The following PPP3R1 variants were observed in gnomAD, a reference collection of about 807,000 sequenced individuals.
PPP3R1 encodes the protein protein phosphatase 3 regulatory subunit B, alpha.
PPP3R1 carries 5 observed loss-of-function variants against 22.6 expected under a neutral mutation model. That is an observed-to-expected ratio of 0.22 (90% confidence interval 0.12 to 0.46). The LOEUF (loss-of-function observed/expected upper bound fraction) is 0.46. Ranked by LOEUF, PPP3R1 falls within the 20% of genes least tolerant of loss-of-function variation. PPP3R1 has a pLI of 0.99. For synonymous variants in PPP3R1, 56 were observed against 65.2 expected (o/e 0.86, Z 0.68); for missense variants, 61 against 203.2 (o/e 0.30, Z 4.25).
intron 2 of PPP3R1, among the ~76,000 whole-genome samples, chr2:68,191,915 A>T (rs778081063): frequency 6.6e-6 from 1 of 152,212 alleles, no homozygotes; most frequent in African/African-American, 2.4e-5. Context: ...AAATATAATG[A>T]AAGTCCTACA....
chr2:68,186,742 A>G, intron 4 of PPP3R1, 90 bp from the exon 5 acceptor site: 1 of 1,154,198 alleles, frequency 8.7e-7, no homozygotes, highest in Non-Finnish European at 1.2e-6. Context: ...ACTGACAAAC[A>G]TCAAAATTAT....
chr2:68,238,318 A>G (rs992464014), intron 1 of PPP3R1, among the ~76,000 whole-genome samples: 2 of 152,198 alleles, frequency 1.3e-5, no homozygotes, highest in South Asian at 2.1e-4. Context: ...AGTTACTTAC[A>G]AATGGCCATT....
At chr2:68,238,359 C>T (rs1207631620) in intron 1 of PPP3R1, among the ~76,000 whole-genome samples, 1 of 152,126 alleles carries the variant, frequency 6.6e-6, no homozygotes, top group Non-Finnish European at 1.5e-5. Flanking sequence ...AACATTTTCA[C>T]ACAATGCCAC....
In PPP3R1 at chr2:68,252,507, C is replaced by T; in HGVS notation, c.-380G>A. 1.4e-5 allele frequency: 13 copies of T among 958,400 alleles called. No individual in the cohort carries two copies. Among genetic ancestry groups the T allele is most frequent in the Non-Finnish European group, 1.6e-5 (13 of 823,794 alleles). The allele number at this position is 958,400 out of a possible 1,614,324, so 59.4% of individuals were successfully genotyped here. A position where few individuals can be genotyped will look rare whatever the true frequency, so the allele number is the denominator to read the frequency against. On this transcript the variant is annotated 5_prime_UTR_variant, in exon 1 of 6. Coordinates refer to ENST00000234310, the MANE Select transcript of PPP3R1 (RefSeq NM_000945.4). ...CCGTGACGGACTCACTGCAGCGGCT[C>T]GCGCTGACCCGCAACCTCAAGGCAC...
At chr2:68,208,927 A>T (rs891216767) in intron 2 of PPP3R1, among the ~76,000 whole-genome samples, 8 of 149,334 alleles carry the variant, frequency 5.4e-5, no homozygotes, top group Middle Eastern at 3.4e-3. Flanking sequence ...TAAAAAAAAA[A>T]TTTTTTTTTT....
intron 2 of PPP3R1, among the ~76,000 whole-genome samples, chr2:68,196,703 AAAG>A (rs754314992): frequency 2.0e-5 from 3 of 152,126 alleles, no homozygotes; most frequent in Non-Finnish European, 2.9e-5. Context: ...ACCACCAACA[AAAG>A]AAGTATCACA....
At chr2:68,207,912 T>C (rs1030594169) in intron 2 of PPP3R1, among the ~76,000 whole-genome samples, 1 of 152,164 alleles carries the variant, frequency 6.6e-6, no homozygotes, top group Non-Finnish European at 1.5e-5. Context: ...TGCCAGCACT[T>C]TAGGAGGCCG....
At chr2:68,220,232 A>G (rs1427062565) in intron 1 of PPP3R1, among the ~76,000 whole-genome samples, 2 of 152,238 alleles carry the variant, frequency 1.3e-5, no homozygotes, top group East Asian at 3.8e-4. Flanking sequence ...TCAGAGATAC[A>G]TGAAGTTCGT....
chr2:68,241,549 G>A (rs887704375), intron 1 of PPP3R1, among the ~76,000 whole-genome samples: 3 of 152,120 alleles, frequency 2.0e-5, no homozygotes, highest in African/African-American at 7.2e-5. Flanking sequence ...CTGGTAATTA[G>A]AAGATTACTG....
chr2:68,236,279 G>A (rs111679805), intron 1 of PPP3R1, among the ~76,000 whole-genome samples: 48 of 152,166 alleles, frequency 3.2e-4, no homozygotes, highest in African/African-American at 1.1e-3. Context: ...TTGGCATACT[G>A]CCACACTCAT....
chr2:68,186,700 G>A, intron 4 of PPP3R1, 48 bp from the exon 5 acceptor site: 1 of 1,460,922 alleles, frequency 6.8e-7, no homozygotes. Context: ...GCAATCACAA[G>A]TAAATGCTTT....
rs553221514 is a variant in PPP3R1 at position 68,186,272 on chromosome 2, A to G, written c.465+196T>C. ...GTTGTAATTTGAGAGGCTACCAACA[A>G]TAAGTAAAGTAGTATCCTTGGGAAT... is the stretch of plus-strand genomic sequence containing the variant. On this transcript the variant is annotated intron_variant, in intron 5 of 5. Transcript: ENST00000234310. Among the ~76,000 whole-genome samples the G allele has an allele frequency of 1.3e-3, 193 of 149,616 alleles. 1 individual carries two copies. The highest frequency in any genetic ancestry group is 3.4e-3 in the Middle Eastern group (1 of 292).
At chr2:68,182,912 A>G (rs1352806823) in intron 5 of PPP3R1, among the ~76,000 whole-genome samples, 1 of 152,160 alleles carries the variant, frequency 6.6e-6, no homozygotes, top group East Asian at 1.9e-4. Context: ...ACATTCAACT[A>G]AAAATATTAT....
intron 5 of PPP3R1, among the ~76,000 whole-genome samples, chr2:68,185,744 C>T (rs993730290): frequency 3.3e-5 from 5 of 151,994 alleles, no homozygotes; most frequent in Non-Finnish European, 7.4e-5. Context: ...CTTGCGGTAG[C>T]GCCCCCTGGG....
intron 4 of PPP3R1, 55 bp from the exon 5 acceptor site, chr2:68,186,707 C>T (rs953925079): frequency 4.2e-6 from 6 of 1,420,860 alleles, no homozygotes; most frequent in Non-Finnish European, 5.8e-6. Context: ...CAAGTAAATG[C>T]TTTCAGTAAG....
chr2:68,224,903 G>T (rs1669754659), intron 1 of PPP3R1, among the ~76,000 whole-genome samples: 1 of 152,012 alleles, frequency 6.6e-6, no homozygotes, highest in South Asian at 2.1e-4. Context: ...CACAACAAAA[G>T]ATATGATTAA....
chr2:68,224,698 CAA>C (rs1380577955), intron 1 of PPP3R1, among the ~76,000 whole-genome samples: 2 of 150,950 alleles, frequency 1.3e-5, no homozygotes, highest in Non-Finnish European at 1.5e-5. Flanking sequence ...AGCTAGTCAT[CAA>C]AAGAGTGGTA....
At chr2:68,219,643 T>C (rs1207976308) in intron 1 of PPP3R1, among the ~76,000 whole-genome samples, 2 of 152,220 alleles carry the variant, frequency 1.3e-5, no homozygotes, top group African/African-American at 2.4e-5. Context: ...AAATTAATTC[T>C]GCAGTGAATT....
chr2:68,184,852 C>G (rs907277876), intron 5 of PPP3R1, among the ~76,000 whole-genome samples: 3 of 152,158 alleles, frequency 2.0e-5, no homozygotes, highest in Non-Finnish European at 4.4e-5. Flanking sequence ...CTTTGGAAGG[C>G]TGAAATGGGA....
Sources: gnomAD v4.1 joint callset for allele counts (sites outside exome capture counted in the v4.1 genomes callset) on GRCh38, gnomAD v4.1.1 for gene constraint, MANE v1.5 for transcripts, NCBI Gene and HGNC (gene_info 2026-07-23, HGNC 2026-07-21) for gene names.